The following TNRC6B variants were observed in gnomAD, a reference collection of about 807,000 sequenced individuals.
TNRC6B encodes the protein trinucleotide repeat containing adaptor 6B.
TNRC6B carries 52 observed loss-of-function variants against 203.6 expected under a neutral mutation model. The ratio of observed to expected loss-of-function variants is 0.26; its 90% CI spans 0.20 to 0.32. TNRC6B has a LOEUF of 0.32. TNRC6B is among the 10% of genes least tolerant of loss of function. The probability of loss-of-function intolerance (pLI) is 1.00; values close to 1 mark genes in which losing one functional copy is unlikely to be tolerated. For synonymous variants in TNRC6B, 838 were observed against 845.7 expected, an observed-to-expected ratio of 0.99 and a Z score of 0.16; for missense variants, 1,923 against 2,286.2, an observed-to-expected ratio of 0.84 and a Z score of 3.24.
chr22:40,155,343 C>T (rs1769392925), intron 3 of TNRC6B, among the ~76,000 whole-genome samples: 1 of 152,132 alleles, frequency 6.6e-6, no homozygotes, highest in Admixed American at 6.6e-5. Flanking sequence ...GGCTGGAGTA[C>T]AGTGGCGTGA....
chr22:40,085,181 C>T (rs769617057), intron 1 of TNRC6B, among the ~76,000 whole-genome samples: 1 of 152,152 alleles, frequency 6.6e-6, no homozygotes, highest in Non-Finnish European at 1.5e-5. Flanking sequence ...GATCTTCCAG[C>T]CTCAGACAAA....
chr22:40,057,107 C>T (rs967719651), intron 1 of TNRC6B, among the ~76,000 whole-genome samples: 1 of 152,030 alleles, frequency 6.6e-6, no homozygotes, highest in Non-Finnish European at 1.5e-5. Flanking sequence ...TGTAAACAGT[C>T]GAGATAAAGT....
intron 3 of TNRC6B, among the ~76,000 whole-genome samples, chr22:40,254,500 A>G (rs563262603): frequency 1.5e-4 from 23 of 152,186 alleles, no homozygotes; most frequent in African/African-American, 4.6e-4. Context: ...AGCCTGGGCA[A>G]TGGAGCAAGA....
chr22:40,276,134 TGAG>T (rs2070640852), intron 7 of TNRC6B, among the ~76,000 whole-genome samples: 1 of 151,866 alleles, frequency 6.6e-6, no homozygotes, highest in Non-Finnish European at 1.5e-5. Context: ...GATCACGAGG[TGAG>T]GAGATGGAGA....
At chr22:40,145,671 G>A (rs919785393) in intron 3 of TNRC6B, among the ~76,000 whole-genome samples, 9 of 151,966 alleles carry the variant, frequency 5.9e-5, no homozygotes, top group Admixed American at 4.6e-4. Flanking sequence ...GTGAAACCCC[G>A]TCTCTACTAA....
chr22:40,256,223 A>G (rs1212221314), intron 3 of TNRC6B, among the ~76,000 whole-genome samples: 1 of 152,226 alleles, frequency 6.6e-6, no homozygotes. Flanking sequence ...GATTGGGGCT[A>G]GGAAACAAGT....
At chr22:40,173,298 T>C (rs1490509891), upstream of TNRC6B, among the ~76,000 whole-genome samples, 4 of 152,080 alleles carry the variant, frequency 2.6e-5, no homozygotes, top group Non-Finnish European at 5.9e-5. Context: ...GGTTTCACCA[T>C]GTTGACCAGG....
At chr22:40,053,541 T>A (rs1245293987) in intron 1 of TNRC6B, among the ~76,000 whole-genome samples, 1 of 152,226 alleles carries the variant, frequency 6.6e-6, no homozygotes, top group Non-Finnish European at 1.5e-5. Flanking sequence ...AAGATTGAAT[T>A]TCTCTCTGTT....
At chr22:40,297,607 A>G (rs1379188947) in intron 12 of TNRC6B, among the ~76,000 whole-genome samples, 1 of 152,190 alleles carries the variant, frequency 6.6e-6, no homozygotes, top group Non-Finnish European at 1.5e-5. Context: ...GTGGATCACG[A>G]GGTCAGGAGT....
At position 40,329,025 on chromosome 22, in the gene TNRC6B, A is replaced by C. The variant is rs943247684; in HGVS notation, c.*5784A>C. 4 of 151,622 alleles carry C rather than the reference A, an allele frequency of 2.6e-5. No homozygotes were observed. The highest frequency in any genetic ancestry group is 6.6e-5 in the Admixed American group (1 of 15,262). The allele number at this position is 151,622 out of a possible 1,614,324, so 9.4% of individuals were successfully genotyped here. Reference sequence around the variant, plus strand: ...ATACTTCTTAGTGTTACTGCAAAAAAAAAAAACAAAAACAAAACAAAAAAA... The same window carrying C: ...ATACTTCTTAGTGTTACTGCAAAAACAAAAAACAAAAACAAAACAAAAAAA... On this transcript the variant is annotated 3_prime_UTR_variant, in exon 23 of 23. Coordinates refer to ENST00000454349, the MANE Select transcript of TNRC6B (RefSeq NM_001162501.2).
At chr22:40,226,838 G>A (rs919836396) in intron 1 of TNRC6B, among the ~76,000 whole-genome samples, 3 of 152,200 alleles carry the variant, frequency 2.0e-5, no homozygotes, top group African/African-American at 7.2e-5. Context: ...CCCAGAGCCT[G>A]AGGGGAGGGG....
At chr22:40,243,979 C>T (rs1427462734) in intron 1 of TNRC6B, among the ~76,000 whole-genome samples, 1 of 149,890 alleles carries the variant, frequency 6.7e-6, no homozygotes, top group South Asian at 2.1e-4. Flanking sequence ...TTTGTAAACA[C>T]CAAATCTTTA....
chr22:40,248,650 T>C (rs985790042), intron 2 of TNRC6B, among the ~76,000 whole-genome samples: 2 of 152,208 alleles, frequency 1.3e-5, no homozygotes, highest in Non-Finnish European at 2.9e-5. Context: ...GCAGAGAATG[T>C]AGTTTATGTA....
intron 6 of TNRC6B, among the ~76,000 whole-genome samples, chr22:40,271,304 G>A (rs185109421): frequency 6.6e-6 from 1 of 152,156 alleles, no homozygotes; most frequent in Admixed American, 6.5e-5. Flanking sequence ...CAGATTTAAG[G>A]GATTATCTTT....
intron 1 of TNRC6B, among the ~76,000 whole-genome samples, chr22:40,236,918 A>AT (rs2069955559): frequency 6.6e-6 from 1 of 152,160 alleles, no homozygotes; most frequent in African/African-American, 2.4e-5. Context: ...TAATCCCAAC[A>AT]TTTTGGGAGG....
chr22:40,263,555 A>G (rs902562511), intron 4 of TNRC6B, among the ~76,000 whole-genome samples: 2 of 152,208 alleles, frequency 1.3e-5, no homozygotes, highest in African/African-American at 4.8e-5. Context: ...TTCGGTTTCT[A>G]TGCTTTTTAT....
At chr22:40,291,231 A>C (rs1345746342) in intron 12 of TNRC6B, among the ~76,000 whole-genome samples, 1 of 152,080 alleles carries the variant, frequency 6.6e-6, no homozygotes, top group African/African-American at 2.4e-5. Flanking sequence ...ACAGAAATAC[A>C]AAAAATTAGC....
chr22:40,265,104 A>G lies in TNRC6B; in HGVS notation c.874A>G (p.Arg292Gly). The G allele has an allele frequency of 6.2e-7, 1 of 1,614,048 alleles. No homozygotes were observed. Among genetic ancestry groups the G allele is most frequent in the Non-Finnish European group, 8.5e-7 (1 of 1,179,888 alleles). The change falls in exon 5 of 23, where the codon AGA (arginine) becomes GGA (glycine). Residue 292 changes from arginine (R) to glycine (G), a missense_variant. Physicochemically the swap from Arg to Gly is moderately radical, Grantham distance 125 (BLOSUM62 -2). Around this residue, in one of 8 missense-constraint regions of TNRC6B, gnomAD observed 614 missense variants for 587.7 expected, o/e 1.04. Coordinates refer to ENST00000454349, the MANE Select transcript of TNRC6B (RefSeq NM_001162501.2). ...TTGGAGGAATGTGAGTGGTCAGGAT[A>G]GAATTGGACCTGGCTCTGGCTTCAG... ...GNWRNVSGQD[R>G]IGPGSGFSNF...
intron 1 of TNRC6B, among the ~76,000 whole-genome samples, chr22:40,076,570 T>C (rs1219436224): frequency 6.6e-6 from 1 of 152,170 alleles, no homozygotes; most frequent in Non-Finnish European, 1.5e-5. Flanking sequence ...CTATCTTGTA[T>C]TGTTTCTTTC....
Sources: allele counts gnomAD v4.1 joint callset (sites outside exome capture counted in the v4.1 genomes callset), GRCh38; gene constraint gnomAD v4.1.1; regional missense constraint gnomAD v4.1.1; transcripts MANE v1.5; gene names NCBI Gene and HGNC (gene_info 2026-07-23, HGNC 2026-07-21).